Variants in NFKBID observed in about 807,000 individuals in gnomAD.
The protein encoded by NFKBID is NFKB inhibitor delta.
Under a neutral mutation model 53.4 loss-of-function variants are expected in NFKBID, and 26 were observed. The observed-to-expected ratio is 0.49, with a 90% CI of 0.36 to 0.68. NFKBID has a LOEUF of 0.68. NFKBID is among the 30% of genes least tolerant of loss of function. The pLI, the probability that NFKBID is intolerant of heterozygous loss-of-function variation, is 0.00. For missense variants in NFKBID, 493 were observed against 614.1 expected (o/e 0.80, Z 2.08); for synonymous variants, 262 against 259.8 (o/e 1.01, Z -0.08).
chr19:35,892,543 C>CAAAAAAAAAAAAAAAAAAAAAAAAAAAAA (rs112001334), intron 9 of NFKBID, among the ~76,000 whole-genome samples: 6 of 112,274 alleles, frequency 5.3e-5, no homozygotes, highest in African/African-American at 2.0e-4. Flanking sequence ...GACTCCATCT[C>CAAAAAAAAAAAAAAAAAAAAAAAAAAAAA]AAAAAAAAAA....
chr19:35,889,890 C>G (rs1974634439), exon 11 of NFKBID: 2 of 1,604,786 alleles, frequency 1.2e-6, no homozygotes, highest in African/African-American at 1.3e-5. Context: ...GCTTACTTAC[C>G]CCCTCAGGGC....
Position 35,896,558 on chromosome 19 carries a change from T to C in NFKBID, c.685-20A>G. On this transcript the variant is annotated intron_variant, in intron 6 of 11. Transcript: ENST00000641389. This position sits in a 1 kb window ranked among gnomAD's most constrained non-coding sequence, Gnocchi z 5.7. ...AGGGGTCTGCAGGCCACAGGAGAAG[T>C]CAGGTTGGGCTCCTGGTTCCCTCCC... The C allele has an allele frequency of 6.2e-7, 1 of 1,611,966 alleles. No homozygotes were observed. The highest frequency in any genetic ancestry group is 1.1e-5 in the South Asian group (1 of 91,058).
Position 35,896,711 on chromosome 19 carries a change from G to C in NFKBID, c.684+15C>G. On this transcript the variant is annotated intron_variant, in intron 6 of 11. Coordinates refer to ENST00000641389, the Ensembl canonical transcript of NFKBID. The surrounding 1 kb of genome is among the most constrained non-coding windows in gnomAD (Gnocchi z 5.7). ...CCTCCCCTGAACCCAGGAGAGTTCA[G>C]GCCCCAAGCCTCACCTTGCCCTTAT... 1 of 1,610,628 alleles carries C rather than the reference G, an allele frequency of 6.2e-7. No homozygotes were observed. Among genetic ancestry groups the C allele is most frequent in the Non-Finnish European group, 8.5e-7 (1 of 1,177,674 alleles).
chr19:35,889,059 AG>A (rs1974569036), intron 11 of NFKBID, among the ~76,000 whole-genome samples: 1 of 149,104 alleles, frequency 6.7e-6, no homozygotes, highest in Non-Finnish European at 1.5e-5. Context: ...AAAAAAAAAA[AG>A]ATTTGGGAAG....
rs1393853006 is a variant in NFKBID, at chr19:35,890,827, GCACTCCAGCATGGGTGACAGAGTGA to G, written c.1033-362_1033-338del. The G allele has an allele frequency of 8.4e-6, 3 of 358,636 alleles. No homozygotes were observed. The East Asian group carries it at 2.1e-4, about 26-fold the overall frequency. 22.2% of individuals were successfully genotyped at this position (358,636 alleles called of 1,614,324 possible). ...TGCAGTGGGCCATGACCACACCACTGCACTCCAGCATGGGTGACAGAGTGACACTCTATCTCAAAATTAATAAATA... is the reference window on the plus strand; with the variant it reads ...TGCAGTGGGCCATGACCACACCACTGCACTCTATCTCAAAATTAATAAATA... On this transcript the variant is annotated intron_variant, in intron 9 of 11. Coordinates refer to ENST00000641389, the Ensembl canonical transcript of NFKBID.
At chr19:35,900,482 G>C in exon 1 of NFKBID, 1 of 1,231,894 alleles carries the variant, frequency 8.1e-7, no homozygotes, top group East Asian at 3.2e-5. Context: ...CCCCAGGGCC[G>C]CGGCCTCGGC....
chr19:35,888,141 G>A (rs908760977), downstream of NFKBID: 5 of 170,460 alleles, frequency 2.9e-5, no homozygotes, highest in Non-Finnish European at 6.3e-5. Flanking sequence ...TGTGGGTCCC[G>A]GGGAGGGTGA....
At chr19:35,892,994 C>T (rs1426419475) in intron 9 of NFKBID, among the ~76,000 whole-genome samples, 1 of 152,034 alleles carries the variant, frequency 6.6e-6, no homozygotes, top group Non-Finnish European at 1.5e-5. Flanking sequence ...GTGAGACCCC[C>T]CCTCTCTACA....
upstream of NFKBID, among the ~76,000 whole-genome samples, chr19:35,901,096 G>C (rs925659311): frequency 6.6e-6 from 1 of 152,080 alleles, no homozygotes; most frequent in South Asian, 2.1e-4. Context: ...GCCTCCCAAA[G>C]TGCTGGGATT....
At chr19:35,893,825 A>G (rs1974950806) in intron 9 of NFKBID, among the ~76,000 whole-genome samples, 1 of 151,732 alleles carries the variant, frequency 6.6e-6, no homozygotes, top group Non-Finnish European at 1.5e-5. Flanking sequence ...TCTCAAAAAA[A>G]AAAAAAAAAT....
intron 3 of NFKBID, 65 bp from the exon 4 acceptor site, chr19:35,897,921 C>CT (rs1352112784): frequency 8.8e-7 from 1 of 1,141,974 alleles, no homozygotes; most frequent in Non-Finnish European, 1.3e-6. Flanking sequence ...ACATCCAGGG[C>CT]TAGAGGGCCT....
intron 9 of NFKBID, among the ~76,000 whole-genome samples, chr19:35,894,485 T>C (rs1974993238): frequency 6.6e-6 from 1 of 152,046 alleles, no homozygotes; most frequent in East Asian, 1.9e-4. Flanking sequence ...GGTGGAAGGA[T>C]TGCTTGAGCT....
At chr19:35,893,718 G>T (rs1256698618) in intron 9 of NFKBID, among the ~76,000 whole-genome samples, 1 of 151,922 alleles carries the variant, frequency 6.6e-6, no homozygotes, top group Non-Finnish European at 1.5e-5. Flanking sequence ...TACTCAGGAG[G>T]CTGAGGCAGG....
At chr19:35,892,200 T>A (rs1974814142) in intron 9 of NFKBID, among the ~76,000 whole-genome samples, 2 of 151,766 alleles carry the variant, frequency 1.3e-5, no homozygotes, top group Non-Finnish European at 2.9e-5. Flanking sequence ...CACAGGCATG[T>A]GCCATCAAGC....
In NFKBID at chr19:35,896,115, G is replaced by A. The variant is rs763496171; in HGVS notation, c.897C>T (p.Leu299=). 6 of 1,614,136 alleles carry A rather than the reference G, an allele frequency of 3.7e-6. No homozygotes were observed. In the South Asian group the frequency reaches 5.5e-5, roughly 15 times the overall value. ...CGTTAAGGGCCAGGATGGCCGTGTGGAGCGGGGTGAGGCCTGCAGAATGGA... is the reference window on the plus strand; with the variant it reads ...CGTTAAGGGCCAGGATGGCCGTGTGAAGCGGGGTGAGGCCTGCAGAATGGA... The change falls in exon 9 of 12, where the codon CTC becomes CTT. Residue 299 remains leucine (L), a synonymous_variant. Transcript: ENST00000641389. The surrounding 1 kb of genome is among the most constrained non-coding windows in gnomAD (Gnocchi z 5.7).
At position 35,892,254 on chromosome 19, in the gene NFKBID, G is replaced by C. The variant is rs576031771; in HGVS notation, c.1033-1764C>G. On this transcript the variant is annotated intron_variant, in intron 9 of 11. Transcript: ENST00000641389. ...TTTTTTAGAGATGGGGTCTCCCTAT[G>C]TTGCCCAGGTTGGTCTCGAATTCCT... 3.5e-3 allele frequency among the ~76,000 whole-genome samples: 536 copies of C among 152,076 alleles called. 7 individuals are homozygous for C. Among genetic ancestry groups the C allele is most frequent in the African/African-American group, 0.012 (512 of 41,482 alleles).
Position 35,890,049 on chromosome 19 carries a change from G to A in NFKBID, c.1155C>T (p.His385=), listed in dbSNP as rs1028322140. ...CCGCCATGTGGAGGGCTGTGTTCCC[G>A]TGGGCCTGGAAAAGTAAGGGGAGGG... Residue 385 remains histidine (H), a synonymous_variant, in exon 11 of 12, where the codon CAC becomes CAT. Coordinates refer to ENST00000641389, the Ensembl canonical transcript of NFKBID. 19 of 1,599,590 alleles carry A rather than the reference G, an allele frequency of 1.2e-5. 1 individual carries two copies. Among genetic ancestry groups the A allele is most frequent in the African/African-American group, 2.7e-5 (2 of 74,822 alleles).
chr19:35,899,032 T>C (rs983450334), intron 1 of NFKBID, among the ~76,000 whole-genome samples: 2 of 152,108 alleles, frequency 1.3e-5, no homozygotes, highest in African/African-American at 4.8e-5. Context: ...TGCTCCGCAC[T>C]TTCCCTCTGA....
chr19:35,896,195 A>G lies in NFKBID; in HGVS notation c.883+23T>C. 6.2e-7 allele frequency: 1 copy of G among 1,614,148 alleles called. No homozygotes were observed. The highest frequency in any genetic ancestry group is 8.5e-7 in the Non-Finnish European group (1 of 1,179,988). ...CTCGCCCAGCCACACCAACCACACC[A>G]GCCCTGCCCACACCCAACTTACCCT... On this transcript the variant is annotated intron_variant, in intron 8 of 11. Transcript: ENST00000641389. This position sits in a 1 kb window ranked among gnomAD's most constrained non-coding sequence, Gnocchi z 5.7.
Sources: gnomAD v4.1 joint callset for allele counts (sites outside exome capture counted in the v4.1 genomes callset) on GRCh38, gnomAD v4.1.1 for gene constraint, Gnocchi (gnomAD v3.1) non-coding constraint, MANE v1.5 for transcripts, NCBI Gene and HGNC (gene_info 2026-07-23, HGNC 2026-07-21) for gene names.